The following SLC44A3 variants were observed in gnomAD, a reference collection of about 807,000 sequenced individuals.
SLC44A3 encodes solute carrier family 44 member 3, also known as choline transporter-like protein 3.
In SLC44A3, 74 loss-of-function variants were observed where a neutral mutation model predicts 75.4. The ratio of observed to expected loss-of-function variants is 0.98; its 90% CI spans 0.81 to 1.19. The LOEUF is 1.19. Among genes scored for constraint, SLC44A3 ranks in the 50% most tolerant of loss-of-function variants. The probability of loss-of-function intolerance (pLI) is 0.00; values close to 1 mark genes in which losing one functional copy is unlikely to be tolerated. For missense variants in SLC44A3, 700 were observed against 778.6 expected (o/e 0.90, Z 1.20); for synonymous variants, 310 against 296.9 (o/e 1.04, Z -0.45).
intron 14 of SLC44A3, 79 bp from the exon 15 acceptor site, chr1:94,894,736 AAGG>A: frequency 2.6e-6 from 3 of 1,146,094 alleles, no homozygotes; most frequent in Non-Finnish European, 3.8e-6. Context: ...TCAGAGGGCA[AAGG>A]AGAAGTTTTC....
At chr1:94,849,740 T>C (rs12562796) in intron 9 of SLC44A3, among the ~76,000 whole-genome samples, 9,162 of 152,140 alleles carry the variant, frequency 0.06, 698 homozygotes, top group East Asian at 0.22. Context: ...AAATAGTTGT[T>C]TGTTTGTTTT....
chr1:94,873,611 C>T (rs1450304672), intron 12 of SLC44A3, among the ~76,000 whole-genome samples: 3 of 152,170 alleles, frequency 2.0e-5, no homozygotes. Context: ...TTTGTAGTAT[C>T]TCCAAACATT....
chr1:94,858,278 A>G (rs2101293293), intron 10 of SLC44A3, among the ~76,000 whole-genome samples: 1 of 152,312 alleles, frequency 6.6e-6, no homozygotes, highest in Middle Eastern at 3.4e-3. Context: ...CTTGGGGAAA[A>G]AAATTAATCC....
intron 12 of SLC44A3, among the ~76,000 whole-genome samples, chr1:94,875,775 T>G (rs767125828): frequency 2.0e-5 from 3 of 152,090 alleles, no homozygotes; most frequent in Non-Finnish European, 4.4e-5. Flanking sequence ...ATCCAAGGAG[T>G]TGCCATTTGT....
intron 12 of SLC44A3, among the ~76,000 whole-genome samples, chr1:94,868,418 A>C (rs2101481987): frequency 6.6e-6 from 1 of 152,346 alleles, no homozygotes; most frequent in Non-Finnish European, 1.5e-5. Flanking sequence ...TAGCCTTCTT[A>C]TAGTAAGGTC....
chr1:94,825,866 C>T (rs1009550375), intron 3 of SLC44A3: 9 of 456,084 alleles, frequency 2.0e-5, no homozygotes, highest in East Asian at 6.9e-5. Context: ...GGAGGAAGGG[C>T]GACTTAGATG....
intron 8 of SLC44A3, 41 bp downstream of exon 8, chr1:94,842,165 A>G (rs1303994460): frequency 1.3e-6 from 2 of 1,540,316 alleles, no homozygotes; most frequent in Non-Finnish European, 1.7e-6. Context: ...GTAGCCAGCC[A>G]GGACTCTGAA....
Position 94,845,279 on chromosome 1 carries a change from C to A in SLC44A3, c.887C>A (p.Ala296Glu), listed in dbSNP as rs1169221919. Residue 296 changes from alanine to glutamate, a missense_variant and splice_region_variant, in exon 9 of 15, where the codon GCA becomes GAA. Transcript: ENST00000271227. ...TTACTCAAATCCCTTTCTCACCAGG[C>A]AGTGCTGCTCGTCTTGATTTTTGTT... is the stretch of plus-strand genomic sequence containing the variant. ...GFAIVSTGITAVLLVLIFVLR... is the reference protein window; with the variant it reads ...GFAIVSTGITEVLLVLIFVLR... 1.2e-6 allele frequency: 2 copies of A among 1,602,366 alleles called. No individual in the cohort carries two copies. Among genetic ancestry groups the A allele is most frequent in the Non-Finnish European group, 1.7e-6 (2 of 1,174,402 alleles).
chr1:94,873,120 A>G (rs859090), intron 12 of SLC44A3, among the ~76,000 whole-genome samples: 148,465 of 152,318 alleles, frequency 0.97, 72,475 homozygotes, highest in Non-Finnish European at 0.99. Flanking sequence ...CAGGCAGCTC[A>G]GTCATTCTCA....
chr1:94,878,514 A>C (rs1668578650), intron 12 of SLC44A3, among the ~76,000 whole-genome samples: 1 of 152,166 alleles, frequency 6.6e-6, no homozygotes, highest in Non-Finnish European at 1.5e-5. Context: ...ATACTAACTC[A>C]AAGGAGCTGC....
In SLC44A3 at chr1:94,837,873, T is replaced by C. The variant is rs766788173; in HGVS notation, c.670+2T>C. On this transcript the variant is annotated splice_donor_variant, in intron 6 of 14. Coordinates refer to ENST00000271227, the MANE Select transcript of SLC44A3 (RefSeq NM_001114106.3). LOFTEE classifies it high-confidence loss of function. The stretch of plus-strand genomic sequence containing the variant: ...TTGGCCTGTGTATCCTCGCATTAGG[T>C]AATTCTCAGTTAAGTTAATTTTAAT... 5 of 1,586,766 alleles carry C rather than the reference T, an allele frequency of 3.2e-6. No individual in the cohort carries two copies. In the South Asian group the frequency reaches 5.9e-5, roughly 19 times the overall value.
intron 8 of SLC44A3, 31 bp downstream of exon 8, chr1:94,842,155 G>A (rs201976335): frequency 6.4e-7 from 1 of 1,567,872 alleles, no homozygotes; most frequent in African/African-American, 1.4e-5. Context: ...AGTAGGTCAG[G>A]TAGCCAGCCA....
chr1:94,823,993 A>G (rs947600365), intron 2 of SLC44A3, among the ~76,000 whole-genome samples: 3 of 152,196 alleles, frequency 2.0e-5, no homozygotes, highest in Admixed American at 6.5e-5. Context: ...ACTCCAAAAC[A>G]CTATTTGCAG....
At chr1:94,841,868 T>C in intron 7 of SLC44A3, 132 bp from the exon 8 acceptor site, 1 of 1,241,704 alleles carries the variant, frequency 8.1e-7, no homozygotes, top group Non-Finnish European at 1.1e-6. Flanking sequence ...GGTCCGGGTA[T>C]TTGGGACCCA....
At position 94,820,466 on chromosome 1, in the gene SLC44A3, C is replaced by T; in HGVS notation, c.15C>T (p.Gly5=). Reference sequence around the variant, plus strand: ...GCGAGCGCACGATGCACTGCCTGGGCGCCGAGTACCTGGTAAGCGCTCGCA... The same window carrying T: ...GCGAGCGCACGATGCACTGCCTGGGTGCCGAGTACCTGGTAAGCGCTCGCA... The part of the protein sequence containing the change: MHCL[G]AEYLVSAEGA... The change falls in exon 1 of 15, where the codon GGC becomes GGT. Residue 5 remains glycine, a synonymous_variant. Coordinates refer to ENST00000271227, the MANE Select transcript of SLC44A3 (RefSeq NM_001114106.3). The T allele has an allele frequency of 6.7e-7, 1 of 1,495,034 alleles. No homozygotes were observed. The highest frequency in any genetic ancestry group is 8.9e-7 in the Non-Finnish European group (1 of 1,126,206). The allele number at this position is 1,495,034 out of a possible 1,614,324, so 92.6% of individuals were successfully genotyped here.
intron 12 of SLC44A3, among the ~76,000 whole-genome samples, chr1:94,879,983 C>T (rs1025009381): frequency 6.6e-6 from 1 of 152,188 alleles, no homozygotes; most frequent in African/African-American, 2.4e-5. Context: ...TATCACCTCA[C>T]ACCCATCAGG....
chr1:94,885,553 A>G (rs1669495449), intron 12 of SLC44A3, among the ~76,000 whole-genome samples: 2 of 152,210 alleles, frequency 1.3e-5, no homozygotes, highest in African/African-American at 4.8e-5. Context: ...TGAGAACACC[A>G]CTTTGTTATT....
At position 94,823,206 on chromosome 1, in the gene SLC44A3, T is replaced by C. The variant is rs183051982; in HGVS notation, c.136-1287T>C. 3.1e-3 allele frequency among the ~76,000 whole-genome samples: 472 copies of C among 152,214 alleles called. 2 individuals are homozygous for C. The highest frequency in any genetic ancestry group is 0.011 in the African/African-American group (446 of 41,510). ...AGAAGCACATGACCCCTTTCCTCCC[T>C]CTAAATCCAAACACAGTCCAGACCT... On this transcript the variant is annotated intron_variant, in intron 2 of 14. Transcript: ENST00000271227.
rs1253264396 is a variant in SLC44A3, at chr1:94,837,867, A to G, written c.666A>G (p.Ala222=). ...CAATCCTTGGCCTGTGTATCCTCGCATTAGGTAATTCTCAGTTAAGTTAAT... is the reference window on the plus strand; with the variant it reads ...CAATCCTTGGCCTGTGTATCCTCGCGTTAGGTAATTCTCAGTTAAGTTAAT... ...RDTILGLCIL[A]LALSLAMMFT... The change falls in exon 6 of 15, where the codon GCA becomes GCG. Residue 222 remains alanine, a synonymous_variant. Transcript: ENST00000271227. The G allele has an allele frequency of 3.8e-6, 6 of 1,590,604 alleles. No homozygotes were observed. The highest frequency in any genetic ancestry group is 2.3e-5 in the South Asian group (2 of 85,500).
Sources: gnomAD v4.1 joint callset for allele counts (sites outside exome capture counted in the v4.1 genomes callset) on GRCh38, gnomAD v4.1.1 for gene constraint, MANE v1.5 for transcripts, NCBI Gene and HGNC (gene_info 2026-07-23, HGNC 2026-07-21) for gene names.